Variants in UBASH3B observed in about 807,000 individuals in gnomAD.
The protein encoded by UBASH3B is ubiquitin-associated and SH3 domain-containing protein B.
Under a neutral mutation model 83.4 loss-of-function variants are expected in UBASH3B, and 37 were observed. The ratio of observed to expected loss-of-function variants is 0.44; its 90% CI spans 0.34 to 0.58. UBASH3B has a LOEUF of 0.58. UBASH3B is among the 20% of genes least tolerant of loss of function. The pLI, the probability that UBASH3B is intolerant of heterozygous loss-of-function variation, is 0.01. For synonymous variants in UBASH3B, 304 were observed against 318.3 expected (o/e 0.96, Z 0.48); for missense variants, 657 against 827.2 (o/e 0.79, Z 2.52).
intron 1 of UBASH3B, among the ~76,000 whole-genome samples, chr11:122,657,679 G>T (rs1863382348): frequency 6.6e-6 from 1 of 152,156 alleles, no homozygotes; most frequent in African/African-American, 2.4e-5. Flanking sequence ...TATTCTCCAG[G>T]CTGCTGGGAC....
In UBASH3B at chr11:122,656,221, G is replaced by A. The variant is rs778080901; in HGVS notation, c.161+11G>A. On this transcript the variant is annotated intron_variant, in intron 1 of 13. Transcript: ENST00000284273. Reference sequence around the variant, plus strand: ...CCCCAGAGCCCGCGCGTAAGTGGCCGGGCTCGCAGCCCTCGGCGACCCCTC... The same window carrying A: ...CCCCAGAGCCCGCGCGTAAGTGGCCAGGCTCGCAGCCCTCGGCGACCCCTC... 1 of 1,436,276 alleles carries A rather than the reference G, an allele frequency of 7.0e-7. No homozygotes were observed. Among genetic ancestry groups the A allele is most frequent in the Admixed American group, 2.7e-5 (1 of 37,312 alleles). The allele number at this position is 1,436,276 out of a possible 1,614,324, so 89.0% of individuals were successfully genotyped here.
intron 1 of UBASH3B, among the ~76,000 whole-genome samples, chr11:122,719,104 G>T (rs1373051015): frequency 3.3e-5 from 5 of 152,208 alleles, no homozygotes; most frequent in African/African-American, 4.8e-5. Context: ...ATCTAAGCAT[G>T]ATTACGTTAG....
At chr11:122,675,974 A>G (rs1187399271) in intron 1 of UBASH3B, among the ~76,000 whole-genome samples, 1 of 152,212 alleles carries the variant, frequency 6.6e-6, no homozygotes, top group Non-Finnish European at 1.5e-5. Context: ...CATTTTACAA[A>G]TGAGAAAAGC....
chr11:122,673,500 A>G (rs556426334), intron 1 of UBASH3B, among the ~76,000 whole-genome samples: 170 of 152,164 alleles, frequency 1.1e-3, no homozygotes, highest in South Asian at 2.7e-3. Context: ...TACAAAAATA[A>G]AAATAAAAAT....
chr11:122,771,973 A>T (rs1860653208), intron 1 of UBASH3B, among the ~76,000 whole-genome samples: 1 of 152,180 alleles, frequency 6.6e-6, no homozygotes, highest in African/African-American at 2.4e-5. Flanking sequence ...AGTTGCTAAA[A>T]CTGCAGCTTC....
At chr11:122,800,594 G>A (rs965790612) in intron 10 of UBASH3B, among the ~76,000 whole-genome samples, 1 of 151,724 alleles carries the variant, frequency 6.6e-6, no homozygotes, top group Admixed American at 6.6e-5. Flanking sequence ...AGGAATTATG[G>A]TAGTCACAGA....
intron 6 of UBASH3B, among the ~76,000 whole-genome samples, chr11:122,794,045 G>C (rs2135169620): frequency 6.6e-6 from 1 of 152,280 alleles, no homozygotes; most frequent in East Asian, 1.9e-4. Flanking sequence ...CAGAAAAATA[G>C]CTGCAAACAG....
chr11:122,746,115 A>T lies in UBASH3B; in HGVS notation c.162-30104A>T, dbSNP rs971469316. Among the ~76,000 whole-genome samples, 5 of 152,330 alleles carry T rather than the reference A, an allele frequency of 3.3e-5. No homozygotes were observed. In the South Asian group the frequency reaches 1.0e-3, roughly 32 times the overall value. ...AAGGCTCCGTGCCCGCCCTTGTGTC[A>T]TGAAAGATATACACTACAAAGATGG... is the stretch of plus-strand genomic sequence containing the variant. On this transcript the variant is annotated intron_variant, in intron 1 of 13. Coordinates refer to ENST00000284273, the MANE Select transcript of UBASH3B (RefSeq NM_032873.5).
chr11:122,741,153 T>G (rs1233580779), intron 1 of UBASH3B, among the ~76,000 whole-genome samples: 1 of 152,220 alleles, frequency 6.6e-6, no homozygotes, highest in Admixed American at 6.5e-5. Flanking sequence ...GAACTTAACC[T>G]CTCAGCTAGT....
chr11:122,697,268 T>C (rs2135925084), intron 1 of UBASH3B, among the ~76,000 whole-genome samples: 1 of 152,288 alleles, frequency 6.6e-6, no homozygotes, highest in African/African-American at 2.4e-5. Flanking sequence ...TACTTTTACA[T>C]ATGTGATTAT....
intron 5 of UBASH3B, 148 bp downstream of exon 5, chr11:122,783,370 C>A: frequency 1.1e-6 from 1 of 939,116 alleles, no homozygotes; most frequent in Non-Finnish European, 1.5e-6. Context: ...TTGTGTCCAG[C>A]CTCTGCTTGC....
intron 1 of UBASH3B, among the ~76,000 whole-genome samples, chr11:122,688,805 C>T (rs1457325346): frequency 5.3e-5 from 8 of 151,788 alleles, no homozygotes; most frequent in East Asian, 1.9e-4. Context: ...CCACCACGCC[C>T]GGCTAATTTT....
At chr11:122,659,472 C>G (rs544634961) in intron 1 of UBASH3B, among the ~76,000 whole-genome samples, 25 of 152,226 alleles carry the variant, frequency 1.6e-4, no homozygotes, top group African/African-American at 5.1e-4. Flanking sequence ...CTACTTCAAC[C>G]CAGAAAGGCT....
At chr11:122,668,977 G>A (rs1189282005) in intron 1 of UBASH3B, among the ~76,000 whole-genome samples, 8 of 152,142 alleles carry the variant, frequency 5.3e-5, no homozygotes, top group Admixed American at 5.2e-4. Flanking sequence ...ACATCCTTCT[G>A]GAAGCTTAAA....
intron 1 of UBASH3B, among the ~76,000 whole-genome samples, chr11:122,746,259 C>A (rs1281596063): frequency 2.0e-5 from 3 of 152,160 alleles, no homozygotes; most frequent in African/African-American, 4.8e-5. Context: ...GAAGTTCAGA[C>A]TGAAACTCAC....
intron 4 of UBASH3B, among the ~76,000 whole-genome samples, chr11:122,780,107 A>G (rs1860824579): frequency 6.6e-6 from 1 of 152,154 alleles, no homozygotes; most frequent in East Asian, 1.9e-4. Context: ...GACAATCCAG[A>G]TCTTTTCTCA....
chr11:122,807,163 C>T (rs1196279743), intron 12 of UBASH3B, among the ~76,000 whole-genome samples: 2 of 152,088 alleles, frequency 1.3e-5, no homozygotes, highest in Non-Finnish European at 2.9e-5. Flanking sequence ...CACTCACTAC[C>T]ATAAAGGTAC....
chr11:122,768,584 C>A lies in UBASH3B; in HGVS notation c.162-7635C>A, dbSNP rs780537408. Among the ~76,000 whole-genome samples the A allele has an allele frequency of 2.0e-5, 3 of 151,336 alleles. No homozygotes were observed. In the East Asian group the frequency reaches 5.8e-4, roughly 29 times the overall value. On this transcript the variant is annotated intron_variant, in intron 1 of 13. Coordinates refer to ENST00000284273, the MANE Select transcript of UBASH3B (RefSeq NM_032873.5). ...GCAGTGGCACAATCTCGGCTTGCTG[C>A]AACTTCTGCCTCCCTGGTTCAAGTG...
intron 1 of UBASH3B, among the ~76,000 whole-genome samples, chr11:122,680,928 G>T (rs75512826): frequency 6.6e-6 from 1 of 152,146 alleles, no homozygotes; most frequent in Non-Finnish European, 1.5e-5. Context: ...CAGAGCTGCC[G>T]TGTCAAAGCC....
Sources: gnomAD v4.1 joint callset for allele counts (sites outside exome capture counted in the v4.1 genomes callset) on GRCh38, gnomAD v4.1.1 for gene constraint, MANE v1.5 for transcripts, NCBI Gene and HGNC (gene_info 2026-07-23, HGNC 2026-07-21) for gene names.